Variants in MRPL20 observed in about 807,000 individuals in gnomAD.
MRPL20 encodes the protein large ribosomal subunit protein bL20m.
Under a neutral mutation model 20.0 loss-of-function variants are expected in MRPL20, and 21 were observed. That is an observed-to-expected ratio of 1.05 (90% CI 0.74 to 1.51). The LOEUF (loss-of-function observed/expected upper bound fraction) is 1.51, where lower values mean the gene tolerates loss of function less well. MRPL20 is among the 40% of genes most tolerant of loss of function. The probability of loss-of-function intolerance (pLI) is 0.00; values close to 1 mark genes in which losing one functional copy is unlikely to be tolerated. For synonymous variants in MRPL20, 104 were observed against 73.0 expected (o/e 1.43, Z -2.17); for missense variants, 252 against 185.6 (o/e 1.36, Z -2.08).
chr1:1,402,518 A>ACACCTTGT (rs1645341671), intron 3 of MRPL20: 2 of 1,222,580 alleles, frequency 1.6e-6, no homozygotes, highest in Non-Finnish European at 2.0e-6. Flanking sequence ...GGGGAACCAA[A>ACACCTTGT]CACCTTGTTC....
At chr1:1,404,419 G>C (rs2100395392) in intron 3 of MRPL20, among the ~76,000 whole-genome samples, 1 of 152,030 alleles carries the variant, frequency 6.6e-6, no homozygotes, top group African/African-American at 2.4e-5. Flanking sequence ...CTCCCAAAGT[G>C]CTGGGATTAC....
rs751652065 is a variant in MRPL20 at position 1,405,901 on chromosome 1, C to G, written c.199-15G>C. ...TTAATCCAGAGCTGAAATAAGAAAA[C>G]ATGAAGATACTTAAAAATGACTTCT... On this transcript the variant is annotated splice_polypyrimidine_tract_variant and intron_variant, in intron 2 of 3. Transcript: ENST00000344843. 1.3e-6 allele frequency: 2 copies of G among 1,599,202 alleles called. No individual in the cohort carries two copies. The highest frequency in any genetic ancestry group is 2.2e-5 in the South Asian group (2 of 89,966).
At chr1:1,405,702 G>C (rs1214766517) in intron 3 of MRPL20, 107 bp downstream of exon 3, 2 of 1,584,104 alleles carry the variant, frequency 1.3e-6, no homozygotes, top group Non-Finnish European at 1.7e-6. Flanking sequence ...GGATCCTCTG[G>C]CCTCAGCCTC....
In MRPL20 at chr1:1,407,128, C is replaced by T. The variant is rs779592590; in HGVS notation, c.87+3G>A. 3.1e-6 allele frequency: 5 copies of T among 1,606,904 alleles called. No homozygotes were observed. Among genetic ancestry groups the T allele is most frequent in the South Asian group, 1.1e-5 (1 of 90,606 alleles). ...GTGCCCAGGCCGGGCAGGCGGCACTCACCCTGGCGTGCTTCAGCACCTCCT... is the reference window on the plus strand; with the variant it reads ...GTGCCCAGGCCGGGCAGGCGGCACTTACCCTGGCGTGCTTCAGCACCTCCT... On this transcript the variant is annotated splice_donor_region_variant and intron_variant, in intron 1 of 3. Coordinates refer to ENST00000344843, the MANE Select transcript of MRPL20 (RefSeq NM_017971.4).
Position 1,405,313 on chromosome 1 carries a change from A to G in MRPL20, c.276+496T>C. 9.3e-6 allele frequency: 3 copies of G among 322,734 alleles called. 1 individual carries two copies. In the South Asian group the frequency reaches 1.3e-4, roughly 13 times the overall value. The allele number at this position is 322,734 out of a possible 1,614,324, so 20.0% of individuals were successfully genotyped here. ...TTCTGTCAGACGGGGTCCTGCTCTC[A>G]CCTAGGCTAGAGTGCAGTGGTACCA... On this transcript the variant is annotated intron_variant, in intron 3 of 3. Transcript: ENST00000344843.
Position 1,407,284 on chromosome 1 carries a change from G to A in MRPL20, c.-67C>T, listed in dbSNP as rs1012948404. The A allele has an allele frequency of 1.4e-6, 2 of 1,395,542 alleles. No individual in the cohort carries two copies. Among genetic ancestry groups the A allele is most frequent in the South Asian group, 2.5e-5 (2 of 81,190 alleles). 86.4% of individuals were successfully genotyped at this position (1,395,542 alleles called of 1,614,324 possible). The stretch of plus-strand genomic sequence containing the variant: ...CGCAGCGCCGCTGCCATCTTGCCCG[G>A]GTCGGAAATGGTGGTCACGAGCGCT... On this transcript the variant is annotated 5_prime_UTR_variant, in exon 1 of 4. Transcript: ENST00000344843.
At chr1:1,404,127 A>G (rs1047956095) in intron 3 of MRPL20, among the ~76,000 whole-genome samples, 7 of 151,840 alleles carry the variant, frequency 4.6e-5, no homozygotes, top group East Asian at 3.9e-4. Context: ...TTACAAGTGT[A>G]AGCCACCGCA....
At chr1:1,405,528 TC>T (rs1475045939) in intron 3 of MRPL20, 2 of 624,096 alleles carry the variant, frequency 3.2e-6, no homozygotes, top group African/African-American at 3.6e-5. Context: ...TCATCACTCA[TC>T]AACATGGGAA....
intron 3 of MRPL20, 101 bp downstream of exon 3, chr1:1,405,708 G>A: frequency 6.3e-7 from 1 of 1,597,416 alleles, no homozygotes; most frequent in Non-Finnish European, 8.6e-7. Context: ...TCTGGCCTCA[G>A]CCTCCTGATT....
Position 1,402,155 on chromosome 1 carries a change from T to A in MRPL20, c.378A>T (p.Glu126Asp), listed in dbSNP as rs1184544105. 1.9e-6 allele frequency: 3 copies of A among 1,614,126 alleles called. No homozygotes were observed. In the Admixed American group the frequency reaches 5.0e-5, roughly 27 times the overall value. The change falls in exon 4 of 4, where the codon GAA (glutamate) becomes GAT (aspartate). Residue 126 changes from glutamate (E) to aspartate (D), a missense_variant. By Grantham distance (45) the Glu-to-Asp change is conservative. Coordinates refer to ENST00000344843, the MANE Select transcript of MRPL20 (RefSeq NM_017971.4). The stretch of plus-strand genomic sequence containing the variant: ...CATCCCCCAAGGCAGCAGCAAATCC[T>A]TCGTGTCGCCTCCTACTGGCCAAGG... The part of the protein sequence containing the change: ...LAALASRRRH[E>D]GFAAALGDGK...
intron 3 of MRPL20, among the ~76,000 whole-genome samples, chr1:1,404,399 C>A (rs895557100): frequency 1.3e-5 from 2 of 152,102 alleles, no homozygotes; most frequent in Non-Finnish European, 2.9e-5. Flanking sequence ...TGTGATCCAC[C>A]TGCCTCAGCC....
chr1:1,406,241 C>T (rs1179052290), intron 2 of MRPL20: 10 of 216,732 alleles, frequency 4.6e-5, no homozygotes, highest in Non-Finnish European at 7.5e-5. Flanking sequence ...GTCACAGTTA[C>T]TCGGGAGACT....
Position 1,402,192 on chromosome 1 carries a change from T to G in MRPL20, c.341A>C (p.Lys114Thr). ...DLAIYEPKTFKSLAALASRRR... is the reference protein window; with the variant it reads ...DLAIYEPKTFTSLAALASRRR... ...CCTACTGGCCAAGGCAGCCAAAGAT[T>G]TGAAAGTCTTTGGCTCGTAGATGGC... Residue 114 changes from lysine (K) to threonine (T), a missense_variant, in exon 4 of 4, where the codon AAA (lysine) becomes ACA (threonine). Transcript: ENST00000344843. The G allele has an allele frequency of 6.2e-7, 1 of 1,614,102 alleles. No homozygotes were observed. Among genetic ancestry groups the G allele is most frequent in the South Asian group, 1.1e-5 (1 of 91,082 alleles).
chr1:1,404,376 G>T (rs1237064150), intron 3 of MRPL20, among the ~76,000 whole-genome samples: 1 of 150,046 alleles, frequency 6.7e-6, no homozygotes, highest in Admixed American at 6.6e-5. Context: ...GGATGGTCTC[G>T]ATCTCCTGAC....
intron 3 of MRPL20, chr1:1,405,464 A>T: frequency 1.7e-6 from 1 of 596,062 alleles, no homozygotes; most frequent in East Asian, 2.8e-5. Flanking sequence ...TTTTGTAGAG[A>T]GTGGTCTCAC....
At chr1:1,405,587 G>A (rs1645375695) in intron 3 of MRPL20, 2 of 773,988 alleles carry the variant, frequency 2.6e-6, no homozygotes, top group Non-Finnish European at 4.4e-6. Context: ...CCCTCCTTAG[G>A]CAACGTGGTG....
At chr1:1,405,610 C>G (rs1467744441) in intron 3 of MRPL20, 199 bp downstream of exon 3, 3 of 966,764 alleles carry the variant, frequency 3.1e-6, no homozygotes, top group Admixed American at 4.0e-5. Flanking sequence ...CCCTTGCTCC[C>G]AAGAGGTCAC....
intron 3 of MRPL20, chr1:1,405,532 C>CA (rs1645375189): frequency 1.6e-6 from 1 of 626,080 alleles, no homozygotes; most frequent in African/African-American, 1.8e-5. Flanking sequence ...CACTCATCAA[C>CA]ATGGGAATTG....
chr1:1,406,749 A>G (rs1645388433), intron 2 of MRPL20, 160 bp downstream of exon 2: 1 of 677,348 alleles, frequency 1.5e-6, no homozygotes, highest in African/African-American at 1.8e-5. Flanking sequence ...GATGTCCCAC[A>G]GTTTGCCTGC....
Sources: allele counts gnomAD v4.1 joint callset (sites outside exome capture counted in the v4.1 genomes callset), GRCh38; gene constraint gnomAD v4.1.1; transcripts MANE v1.5; gene names NCBI Gene and HGNC (gene_info 2026-07-23, HGNC 2026-07-21).